The following PCBP2 variants were observed in gnomAD, a reference collection of about 807,000 sequenced individuals.
PCBP2 encodes poly(rC)-binding protein 2.
In PCBP2, 4 loss-of-function variants were observed where a neutral mutation model predicts 50.1. The observed-to-expected ratio is 0.08, with a 90% CI of 0.04 to 0.18. The LOEUF is 0.18. Among genes scored for constraint, PCBP2 ranks in the 10% least tolerant of loss-of-function variants. PCBP2 has a pLI of 1.00. For missense variants in PCBP2, 161 were observed against 474.3 expected (o/e 0.34, Z 6.14); for synonymous variants, 179 against 168.0 (o/e 1.07, Z -0.51).
At chr12:53,456,648 T>C (rs1592636964) in intron 5 of PCBP2, among the ~76,000 whole-genome samples, 1 of 152,354 alleles carries the variant, frequency 6.6e-6, no homozygotes, top group East Asian at 1.9e-4. Flanking sequence ...CTGATGATTT[T>C]AGGTTAAAAA....
chr12:53,469,365 TA>T (rs2137086522), intron 13 of PCBP2, among the ~76,000 whole-genome samples: 1 of 152,252 alleles, frequency 6.6e-6, no homozygotes, highest in Non-Finnish European at 1.5e-5. Flanking sequence ...ACAAATATGA[TA>T]AGAGAAAATA....
rs1186732418 is a variant in PCBP2, at chr12:53,480,086, G to C, written c.*644G>C. On this transcript the variant is annotated 3_prime_UTR_variant, in exon 15 of 15. Transcript: ENST00000546463. ...AGGACTTACCTGTCCTAGGGGAGTA[G>C]GCAAGCACTTCCACTAGGGAGGGGG... 6.6e-6 allele frequency: 1 copy of C among 152,134 alleles called. No homozygotes were observed. Among genetic ancestry groups the C allele is most frequent in the South Asian group, 2.1e-4 (1 of 4,818 alleles). 9.4% of individuals were successfully genotyped at this position (152,134 alleles called of 1,614,324 possible).
At chr12:53,479,060 TAAAG>T (rs951961536) in intron 14 of PCBP2, among the ~76,000 whole-genome samples, 1 of 152,178 alleles carries the variant, frequency 6.6e-6, no homozygotes, top group Admixed American at 6.5e-5. Context: ...AGCTCAGCAA[TAAAG>T]AAACATTGCT....
At chr12:53,463,229 C>T (rs1364884802) in intron 8 of PCBP2, among the ~76,000 whole-genome samples, 1 of 152,162 alleles carries the variant, frequency 6.6e-6, no homozygotes. Flanking sequence ...CCTCTCTGCT[C>T]CTTCCTCATC....
At chr12:53,459,176 A>C in intron 5 of PCBP2, 96 bp from the exon 6 acceptor site, 1 of 1,089,818 alleles carries the variant, frequency 9.2e-7, no homozygotes, top group Non-Finnish European at 1.3e-6. Flanking sequence ...CGCATGTCCT[A>C]ATAAGATCAC....
At chr12:53,468,951 G>GTT in intron 13 of PCBP2, 119 bp downstream of exon 13, 1 of 718,098 alleles carries the variant, frequency 1.4e-6, no homozygotes, top group Non-Finnish European at 2.3e-6. Context: ...AGCCCAGGCT[G>GTT]TAGTGCAGTG....
At chr12:53,475,041 C>T (rs970402433) in intron 14 of PCBP2, 1 of 456,476 alleles carries the variant, frequency 2.2e-6, no homozygotes, top group African/African-American at 2.0e-5. Context: ...CAACCCTCTT[C>T]CGACCGCCCC....
Position 53,461,000 on chromosome 12 carries a change from C to G in PCBP2, c.376-15C>G, listed in dbSNP as rs765337503. 5 of 1,611,896 alleles carry G rather than the reference C, an allele frequency of 3.1e-6. No homozygotes were observed. Among genetic ancestry groups the G allele is most frequent in the Non-Finnish European group, 4.2e-6 (5 of 1,179,404 alleles). The stretch of plus-strand genomic sequence containing the variant: ...ACTGTTTTTCTCTGATTTTGAATTT[C>G]TTTTTACTCCAAAGAGTACAGGGGC... On this transcript the variant is annotated splice_polypyrimidine_tract_variant and intron_variant, in intron 6 of 14. Transcript: ENST00000546463.
chr12:53,474,679 A>G (rs1942455221), intron 14 of PCBP2, among the ~76,000 whole-genome samples: 1 of 152,190 alleles, frequency 6.6e-6, no homozygotes, highest in Non-Finnish European at 1.5e-5. Flanking sequence ...TGGAATGGAA[A>G]TATACATATT....
At chr12:53,471,572 G>A (rs1464971880) in intron 13 of PCBP2, 66 bp from the exon 14 acceptor site, 7 of 1,327,070 alleles carry the variant, frequency 5.3e-6, no homozygotes, top group South Asian at 1.4e-5. Flanking sequence ...GGGTGGGGGG[G>A]TGGGATTCTT....
chr12:53,476,291 C>T (rs1263803082), intron 14 of PCBP2, among the ~76,000 whole-genome samples: 1 of 152,160 alleles, frequency 6.6e-6, no homozygotes, highest in East Asian at 1.9e-4. Context: ...TAAGGATCAA[C>T]TAATCTGTAA....
chr12:53,469,682 G>A (rs944669878), intron 13 of PCBP2, among the ~76,000 whole-genome samples: 19 of 151,888 alleles, frequency 1.3e-4, no homozygotes, highest in African/African-American at 4.4e-4. Flanking sequence ...AGCCGAGATC[G>A]CGCCATCGCA....
intron 11 of PCBP2, 173 bp from the exon 12 acceptor site, chr12:53,467,632 A>G (rs951197746): frequency 4.6e-6 from 3 of 656,428 alleles, no homozygotes; most frequent in Admixed American, 2.7e-5. Flanking sequence ...TCCACCAGCA[A>G]TTCACAGGCT....
At chr12:53,458,220 G>T (rs1346679259) in intron 5 of PCBP2, among the ~76,000 whole-genome samples, 1 of 152,094 alleles carries the variant, frequency 6.6e-6, no homozygotes, top group Non-Finnish European at 1.5e-5. Context: ...GAGCCACCGT[G>T]CCCCGCCTGT....
At chr12:53,469,245 A>G (rs936469501) in intron 13 of PCBP2, among the ~76,000 whole-genome samples, 1 of 152,086 alleles carries the variant, frequency 6.6e-6, no homozygotes, top group African/African-American at 2.4e-5. Flanking sequence ...GAAACTGGGA[A>G]TTTTATTATT....
chr12:53,464,499 A>C (rs1941685078), intron 8 of PCBP2: 1 of 426,040 alleles, frequency 2.3e-6, no homozygotes, highest in South Asian at 2.6e-5. Context: ...ACTTAATCCC[A>C]CACTGACCAG....
intron 12 of PCBP2, 165 bp from the exon 13 acceptor site, chr12:53,468,612 C>T (rs1941981866): frequency 4.8e-6 from 3 of 626,378 alleles, no homozygotes; most frequent in East Asian, 2.8e-5. Context: ...TTTCTACACC[C>T]TTCTCCCCCA....
In PCBP2 at chr12:53,455,508, A is replaced by G; in HGVS notation, c.126+15A>G. 6.2e-7 allele frequency: 1 copy of G among 1,613,108 alleles called. No homozygotes were observed. Among genetic ancestry groups the G allele is most frequent in the East Asian group, 2.2e-5 (1 of 44,852 alleles). On this transcript the variant is annotated intron_variant, in intron 4 of 14. Coordinates refer to ENST00000546463, the MANE Select transcript of PCBP2 (RefSeq NM_031989.5). ...TGCGCGAGGAGGTAAGTTATGAAAG[A>G]CTGAGATTGTTAACTTTGGGAAGTA...
At chr12:53,465,821 C>G in intron 9 of PCBP2, 111 bp from the exon 10 acceptor site, 1 of 808,876 alleles carries the variant, frequency 1.2e-6, no homozygotes, top group Non-Finnish European at 2.1e-6. Context: ...CTGGCCTCCC[C>G]CATTCTCTAG....
Sources: allele counts gnomAD v4.1 joint callset (sites outside exome capture counted in the v4.1 genomes callset), GRCh38; gene constraint gnomAD v4.1.1; transcripts MANE v1.5; gene names NCBI Gene and HGNC (gene_info 2026-07-23, HGNC 2026-07-21).